The following HDAC3 variants were observed in gnomAD, a reference collection of about 807,000 sequenced individuals.
HDAC3 encodes histone deacetylase 3, also known as SMAP45.
In HDAC3, 21 loss-of-function variants were observed where a neutral mutation model predicts 62.3. That is an observed-to-expected ratio of 0.34 (90% confidence interval 0.24 to 0.49). The LOEUF is 0.49. HDAC3 is among the 20% of genes least tolerant of loss of function. The pLI, the probability that HDAC3 is intolerant of heterozygous loss-of-function variation, is 0.99. For synonymous variants in HDAC3, 198 were observed against 206.5 expected (o/e 0.96, Z 0.35); for missense variants, 270 against 556.9 (o/e 0.48, Z 5.19).
Position 141,629,224 on chromosome 5 carries a change from C to A in HDAC3, c.559G>T (p.Val187Phe). Residue 187 changes from valine (V) to phenylalanine (F), a missense_variant, in exon 7 of 15, where the codon GTC (valine) becomes TTC (phenylalanine). Around this residue, in one of 5 missense-constraint regions of HDAC3, gnomAD observed 156 missense variants for 383.9 expected, o/e 0.41. Transcript: ENST00000305264. The surrounding 1 kb of genome is among the most constrained non-coding windows in gnomAD (Gnocchi z 5.3). ...VQEAFYLTDR[V>F]MTVSFHKYGN... ...TATTTGTGGAAGGACACCGTCATGA[C>A]CCGGTCAGTGAGGTAGAAAGCTTCT... is the stretch of plus-strand genomic sequence containing the variant. 6.2e-7 allele frequency: 1 copy of A among 1,614,156 alleles called. No individual in the cohort carries two copies. Among genetic ancestry groups the A allele is most frequent in the East Asian group, 2.2e-5 (1 of 44,882 alleles).
In HDAC3 at chr5:141,636,810, C is replaced by G. The variant is rs201600484; in HGVS notation, c.-20G>C. ...GGCCATGGTGCCGGCGGGAGCAGGC[C>G]CCGCACCTCCGCCGCCCGCCGCCCG... On this transcript the variant is annotated 5_prime_UTR_variant, in exon 1 of 15. Coordinates refer to ENST00000305264, the MANE Select transcript of HDAC3 (RefSeq NM_003883.4). 3.9e-6 allele frequency: 6 copies of G among 1,529,776 alleles called. No individual in the cohort carries two copies. Among genetic ancestry groups the G allele is most frequent in the Non-Finnish European group, 5.3e-6 (6 of 1,142,368 alleles). 94.8% of individuals were successfully genotyped at this position (1,529,776 alleles called of 1,614,324 possible). A position where few individuals can be genotyped will look rare whatever the true frequency, so the allele number is the denominator to read the frequency against.
chr5:141,634,199 CTT>C (rs1371422498), intron 3 of HDAC3, among the ~76,000 whole-genome samples: 1 of 152,286 alleles, frequency 6.6e-6, no homozygotes, highest in African/African-American at 2.4e-5. Flanking sequence ...TTTTAAAACA[CTT>C]TGATAGCTTC....
chr5:141,626,196 G>A lies in HDAC3; in HGVS notation c.918C>T (p.Cys306=). 1.9e-6 allele frequency: 3 copies of A among 1,613,716 alleles called. No individual in the cohort carries two copies. The highest frequency in any genetic ancestry group is 2.5e-6 in the Non-Finnish European group (3 of 1,179,642). ...GGYTVRNVAR[C]WTYETSLLVE... ...GAGGAAATCAGGAGAGTGCTCACCA[G>A]CAGCGGGCAACATTTCGGACAGTAT... is the stretch of plus-strand genomic sequence containing the variant. Residue 306 remains cysteine (C), a splice_region_variant and synonymous_variant, in exon 11 of 15, where the codon TGC becomes TGT. Transcript: ENST00000305264. The surrounding 1 kb of genome is among the most constrained non-coding windows in gnomAD (Gnocchi z 4.6).
intron 3 of HDAC3, among the ~76,000 whole-genome samples, chr5:141,634,149 GT>G (rs982596906): frequency 8.6e-5 from 13 of 151,566 alleles, no homozygotes; most frequent in African/African-American, 2.2e-4. Context: ...TGTTTTTTTT[GT>G]TTTTTTAACT....
chr5:141,630,856 T>TC (rs1243538107), intron 3 of HDAC3, among the ~76,000 whole-genome samples: 1 of 151,190 alleles, frequency 6.6e-6, no homozygotes, highest in African/African-American at 2.4e-5. Flanking sequence ...TACCTTTTTT[T>TC]TTTTTTTTTT....
rs866615608 is a variant in HDAC3, at chr5:141,636,840, C to A, written c.-50G>T. 1 of 1,394,132 alleles carries A rather than the reference C, an allele frequency of 7.2e-7. No homozygotes were observed. The highest frequency in any genetic ancestry group is 9.3e-7 in the Non-Finnish European group (1 of 1,071,296). The allele number at this position is 1,394,132 out of a possible 1,614,324, so 86.4% of individuals were successfully genotyped here. On this transcript the variant is annotated 5_prime_UTR_variant, in exon 1 of 15. Transcript: ENST00000305264. ...ACCTCCGCCGCCCGCCGCCCGCGGC[C>A]GCCGCCAGCCCCTCCCCGGCCGTGC...
In HDAC3 at chr5:141,629,444, G is replaced by A; in HGVS notation, c.477-138C>T. On this transcript the variant is annotated intron_variant, in intron 6 of 14. Coordinates refer to ENST00000305264, the MANE Select transcript of HDAC3 (RefSeq NM_003883.4). This position sits in a 1 kb window ranked among gnomAD's most constrained non-coding sequence, Gnocchi z 5.3. ...ACTTAATGTCACCAGTTCCCTAAAG[G>A]CAACTGGGGGCTCCAGCCTAGAGGC... 1 of 1,203,718 alleles carries A rather than the reference G, an allele frequency of 8.3e-7. No individual in the cohort carries two copies. The highest frequency in any genetic ancestry group is 1.5e-5 in the African/African-American group (1 of 65,866). 74.6% of individuals were successfully genotyped at this position (1,203,718 alleles called of 1,614,324 possible). A position where few individuals can be genotyped will look rare whatever the true frequency, so the allele number is the denominator to read the frequency against.
Position 141,636,642 on chromosome 5 carries a change from G to A in HDAC3, c.56-12C>T. 6.2e-7 allele frequency: 1 copy of A among 1,614,026 alleles called. No individual in the cohort carries two copies. Among genetic ancestry groups the A allele is most frequent in the Admixed American group, 1.7e-5 (1 of 60,028 alleles). On this transcript the variant is annotated splice_polypyrimidine_tract_variant and intron_variant, in intron 1 of 14. Transcript: ENST00000305264. ...AGGGTGTCCAGCTCCTGGGGGTGGGGAGAAGAGAGTTCGTCAGCTCTCACC... is the reference window on the plus strand; with the variant it reads ...AGGGTGTCCAGCTCCTGGGGGTGGGAAGAAGAGAGTTCGTCAGCTCTCACC...
intron 14 of HDAC3, among the ~76,000 whole-genome samples, chr5:141,621,888 T>C (rs1415045354): frequency 5.9e-5 from 9 of 152,118 alleles, no homozygotes; most frequent in Admixed American, 3.3e-4. Context: ...CTGAAGGTGA[T>C]GAGAGGAAAA....
chr5:141,630,922 A>C (rs1375631155), intron 3 of HDAC3, among the ~76,000 whole-genome samples: 2 of 151,108 alleles, frequency 1.3e-5, no homozygotes, highest in African/African-American at 2.4e-5. Flanking sequence ...CCTGGGCCTA[A>C]GTGATCCTCC....
chr5:141,630,976 C>G (rs530323462), intron 3 of HDAC3, among the ~76,000 whole-genome samples: 1 of 151,714 alleles, frequency 6.6e-6, no homozygotes, highest in African/African-American at 2.4e-5. Context: ...TGTGAGCCAT[C>G]GGCGCTGGCC....
rs983699495 is a variant in HDAC3 at position 141,629,422 on chromosome 5, T to C, written c.477-116A>G. ...GCTTCTGCCCTGGTCACCTGAAACTTAATGTCACCAGTTCCCTAAAGGCAA... is the reference window on the plus strand; with the variant it reads ...GCTTCTGCCCTGGTCACCTGAAACTCAATGTCACCAGTTCCCTAAAGGCAA... On this transcript the variant is annotated intron_variant, in intron 6 of 14. Coordinates refer to ENST00000305264, the MANE Select transcript of HDAC3 (RefSeq NM_003883.4). This position sits in a 1 kb window ranked among gnomAD's most constrained non-coding sequence, Gnocchi z 5.3. 110 of 1,431,972 alleles carry C rather than the reference T, an allele frequency of 7.7e-5. No individual in the cohort carries two copies. Among genetic ancestry groups the C allele is most frequent in the Non-Finnish European group, 1.0e-4 (106 of 1,037,912 alleles). 88.7% of individuals were successfully genotyped at this position (1,431,972 alleles called of 1,614,324 possible).
chr5:141,631,768 C>T (rs562698279), intron 3 of HDAC3, among the ~76,000 whole-genome samples: 134 of 152,162 alleles, frequency 8.8e-4, no homozygotes, highest in Non-Finnish European at 1.5e-3. Flanking sequence ...GTGTCCTCAT[C>T]GGTAAAAGGA....
In HDAC3 at chr5:141,620,897, T is replaced by G. The variant is rs1250846221; in HGVS notation, c.*571A>C. The G allele has an allele frequency of 6.5e-6, 1 of 153,542 alleles. No individual in the cohort carries two copies. The highest frequency in any genetic ancestry group is 1.4e-5 in the Non-Finnish European group (1 of 69,048). The allele number at this position is 153,542 out of a possible 1,614,324, so 9.5% of individuals were successfully genotyped here. ...GGCGAAAGGTACAAAAAATACCGAC[T>G]TAGTTTATTGGATAAAAACAGTGGT... is the stretch of plus-strand genomic sequence containing the variant. On this transcript the variant is annotated 3_prime_UTR_variant, in exon 15 of 15. Coordinates refer to ENST00000305264, the MANE Select transcript of HDAC3 (RefSeq NM_003883.4).
chr5:141,628,215 G>A lies in HDAC3; in HGVS notation c.692-28C>T. ...GGGAGAGGGCCAAAGATGGGCACCT[G>A]GCACCCCAAGGGGATGGGGAGACAG... is the stretch of plus-strand genomic sequence containing the variant. On this transcript the variant is annotated intron_variant, in intron 8 of 14. Transcript: ENST00000305264. The surrounding 1 kb of genome is among the most constrained non-coding windows in gnomAD (Gnocchi z 4.7). 1 of 1,592,706 alleles carries A rather than the reference G, an allele frequency of 6.3e-7. No homozygotes were observed. Among genetic ancestry groups the A allele is most frequent in the South Asian group, 1.1e-5 (1 of 90,642 alleles).
At chr5:141,624,624 A>T (rs1221203332) in intron 14 of HDAC3, among the ~76,000 whole-genome samples, 2 of 151,868 alleles carry the variant, frequency 1.3e-5, no homozygotes, top group Non-Finnish European at 2.9e-5. Flanking sequence ...TCTACTATCT[A>T]ACCCACTCAA....
chr5:141,634,904 G>T lies in HDAC3; in HGVS notation c.188C>A (p.Ser63Tyr). The change falls in exon 3 of 15, where the codon TCC (serine) becomes TAC (tyrosine). Residue 63 changes from serine to tyrosine, a missense_variant. Around this residue, in one of 5 missense-constraint regions of HDAC3, gnomAD observed 32 missense variants for 37.4 expected, o/e 0.86. Coordinates refer to ENST00000305264, the MANE Select transcript of HDAC3 (RefSeq NM_003883.4). ...ASQHDMCRFH[S>Y]EDYIDFLQRV... is the part of the protein sequence containing the mutation. ...CTGCAGGAAGTCAATGTAGTCCTCG[G>T]AGTGGAAGCGGCACATGTCATGTTG... 6.2e-7 allele frequency: 1 copy of T among 1,614,144 alleles called. No homozygotes were observed. Among genetic ancestry groups the T allele is most frequent in the South Asian group, 1.1e-5 (1 of 91,080 alleles).
At position 141,626,263 on chromosome 5, in the gene HDAC3, T is replaced by C. The variant is rs1319308191; in HGVS notation, c.851A>G (p.Lys284Arg). The C allele has an allele frequency of 6.2e-7, 1 of 1,613,452 alleles. No homozygotes were observed. The highest frequency in any genetic ancestry group is 1.7e-5 in the Admixed American group (1 of 60,020). ...CACGAGTAGAGGGATATTGAAGCTC[T>C]TGACATATTCAACGCATTCCCTGTT... is the stretch of plus-strand genomic sequence containing the variant. ...RGHGECVEYV[K>R]SFNIPLLVLG... Residue 284 changes from lysine to arginine, a missense_variant, in exon 11 of 15, where the codon AAG becomes AGG. By Grantham distance (26) the Lys-to-Arg change is conservative (BLOSUM62 2). Around this residue, in one of 5 missense-constraint regions of HDAC3, gnomAD observed 156 missense variants for 383.9 expected, o/e 0.41. Coordinates refer to ENST00000305264, the MANE Select transcript of HDAC3 (RefSeq NM_003883.4). The surrounding 1 kb of genome is among the most constrained non-coding windows in gnomAD (Gnocchi z 4.6).
intron 3 of HDAC3, among the ~76,000 whole-genome samples, chr5:141,632,529 G>T (rs2099905375): frequency 1.3e-5 from 2 of 152,160 alleles, no homozygotes; most frequent in Admixed American, 6.5e-5. Flanking sequence ...ATTCTAATTA[G>T]CATTCCCTAA....
Sources: allele counts gnomAD v4.1 joint callset (sites outside exome capture counted in the v4.1 genomes callset), GRCh38; gene constraint gnomAD v4.1.1; regional missense constraint gnomAD v4.1.1; non-coding constraint Gnocchi (gnomAD v3.1); transcripts MANE v1.5; gene names NCBI Gene and HGNC (gene_info 2026-07-23, HGNC 2026-07-21).